The following MYO1D variants were observed in gnomAD, a reference collection of about 807,000 sequenced individuals.
The protein encoded by MYO1D is unconventional myosin-Id.
A neutral mutation model predicts 122.0 loss-of-function variants in MYO1D; 83 were observed. That is an observed-to-expected ratio of 0.68 (90% CI 0.57 to 0.82). The LOEUF (loss-of-function observed/expected upper bound fraction) is 0.82. Ranked by LOEUF, MYO1D falls within the 40% of genes least tolerant of loss-of-function variation. The pLI, the probability that MYO1D is intolerant of heterozygous loss-of-function variation, is 0.00. For synonymous variants in MYO1D, 464 were observed against 446.9 expected, an observed-to-expected ratio of 1.04 and a Z score of -0.48; for missense variants, 1,157 against 1,269.5, an observed-to-expected ratio of 0.91 and a Z score of 1.35.
At chr17:32,530,013 T>A (rs565050941) in intron 21 of MYO1D, 1 of 152,304 alleles carries the variant, frequency 6.6e-6, no homozygotes, top group Admixed American at 6.5e-5. Flanking sequence ...ATTCACAAGG[T>A]ATACAGCACT....
At chr17:32,635,006 A>T (rs917375100) in intron 20 of MYO1D, among the ~76,000 whole-genome samples, 4 of 152,238 alleles carry the variant, frequency 2.6e-5, no homozygotes, top group Admixed American at 1.3e-4. Context: ...CATACCAGAA[A>T]AAGTAAGGAA....
intron 21 of MYO1D, among the ~76,000 whole-genome samples, chr17:32,511,087 C>T (rs914643263): frequency 6.6e-6 from 1 of 152,136 alleles, no homozygotes; most frequent in Non-Finnish European, 1.5e-5. Context: ...AGCATCTGAC[C>T]CTCAAGAGGG....
intron 16 of MYO1D, among the ~76,000 whole-genome samples, chr17:32,702,338 G>A (rs1405155216): frequency 2.0e-5 from 3 of 151,740 alleles, no homozygotes; most frequent in Non-Finnish European, 4.4e-5. Flanking sequence ...GTTTGCTAGG[G>A]GAATGTCAAA....
intron 1 of MYO1D, among the ~76,000 whole-genome samples, chr17:32,830,753 C>T (rs1442758903): frequency 1.3e-5 from 2 of 152,086 alleles, no homozygotes; most frequent in Non-Finnish European, 2.9e-5. Flanking sequence ...GATTTTTCTA[C>T]ACAAAAAGCG....
chr17:32,822,838 C>T (rs1197958527), intron 1 of MYO1D, among the ~76,000 whole-genome samples: 1 of 151,430 alleles, frequency 6.6e-6, no homozygotes, highest in Admixed American at 6.6e-5. Context: ...CCGGCTGCCG[C>T]CCGCGGGCGT....
At chr17:32,843,093 T>C (rs1268450654) in intron 1 of MYO1D, among the ~76,000 whole-genome samples, 1 of 152,096 alleles carries the variant, frequency 6.6e-6, no homozygotes, top group African/African-American at 2.4e-5. Context: ...TTTCATCATA[T>C]TGGTCAGGCT....
intron 1 of MYO1D, among the ~76,000 whole-genome samples, chr17:32,793,323 T>TTTA (rs1555542846): frequency 6.6e-6 from 1 of 151,014 alleles, no homozygotes; most frequent in African/African-American, 2.4e-5. Flanking sequence ...TTTTTTTTTT[T>TTTA]AAACTTATTC....
intron 20 of MYO1D, among the ~76,000 whole-genome samples, chr17:32,611,290 T>C (rs185618757): frequency 1.3e-5 from 2 of 152,252 alleles, no homozygotes; most frequent in Admixed American, 1.3e-4. Context: ...AAGACAAATA[T>C]GATAAATTAC....
chr17:32,870,029 A>G (rs2091165310), intron 1 of MYO1D, among the ~76,000 whole-genome samples: 1 of 152,168 alleles, frequency 6.6e-6, no homozygotes, highest in East Asian at 1.9e-4. Flanking sequence ...ATCTGGCTCT[A>G]TTTGGGAACT....
chr17:32,867,534 C>T (rs1288832571), intron 1 of MYO1D, among the ~76,000 whole-genome samples: 2 of 151,940 alleles, frequency 1.3e-5, no homozygotes, highest in Admixed American at 1.3e-4. Context: ...CAGTGACCCA[C>T]GCCTGTAATC....
chr17:32,709,522 A>T (rs1174029117), intron 16 of MYO1D, among the ~76,000 whole-genome samples: 2 of 152,202 alleles, frequency 1.3e-5, no homozygotes, highest in Non-Finnish European at 2.9e-5. Context: ...GAGATCCAAC[A>T]GAAACATTTA....
At chr17:32,797,162 G>C (rs903812337) in intron 1 of MYO1D, among the ~76,000 whole-genome samples, 1 of 152,038 alleles carries the variant, frequency 6.6e-6, no homozygotes, top group Non-Finnish European at 1.5e-5. Context: ...GTAGAGATGG[G>C]GTTTCACCAT....
chr17:32,524,851 G>A (rs1250074327), intron 21 of MYO1D, among the ~76,000 whole-genome samples: 1 of 152,084 alleles, frequency 6.6e-6, no homozygotes, highest in Non-Finnish European at 1.5e-5. Context: ...GTGAGCCACT[G>A]CGCCTGGCCT....
At position 32,551,679 on chromosome 17, in the gene MYO1D, G is replaced by C. The variant is rs537835606; in HGVS notation, c.2864+53408C>G. 5.3e-5 allele frequency among the ~76,000 whole-genome samples: 8 copies of C among 151,780 alleles called. No individual in the cohort carries two copies. The East Asian group carries it at 1.2e-3, about 22-fold the overall frequency. On this transcript the variant is annotated intron_variant, in intron 21 of 21. Coordinates refer to ENST00000318217, the MANE Select transcript of MYO1D (RefSeq NM_015194.3). ...ACCTGGACTAACATTAAAACATTTT[G>C]CTCTTCCCGAGAACACACCAATCAG...
At chr17:32,674,223 G>C (rs2088770691) in intron 16 of MYO1D, among the ~76,000 whole-genome samples, 1 of 152,152 alleles carries the variant, frequency 6.6e-6, no homozygotes, top group African/African-American at 2.4e-5. Flanking sequence ...CCAAGTACTG[G>C]GAAATCAGGC....
At chr17:32,523,388 A>C (rs1036366663) in intron 21 of MYO1D, 1 of 152,186 alleles carries the variant, frequency 6.6e-6, no homozygotes, top group Non-Finnish European at 1.5e-5. Context: ...GTGGAAGTGA[A>C]ACTCTCACCT....
At chr17:32,676,003 A>T (rs2088803720) in intron 16 of MYO1D, among the ~76,000 whole-genome samples, 1 of 152,214 alleles carries the variant, frequency 6.6e-6, no homozygotes, top group Non-Finnish European at 1.5e-5. Context: ...GTACTCAAAT[A>T]TGAAATTCAG....
At chr17:32,551,169 G>A (rs1381801364) in intron 21 of MYO1D, among the ~76,000 whole-genome samples, 1 of 152,054 alleles carries the variant, frequency 6.6e-6, no homozygotes, top group Non-Finnish European at 1.5e-5. Context: ...TTCTAGGGGT[G>A]GGGAGCCTGT....
chr17:32,581,741 T>TTGTGTGTGTG (rs35563167), intron 21 of MYO1D, among the ~76,000 whole-genome samples: 9 of 148,394 alleles, frequency 6.1e-5, no homozygotes, highest in African/African-American at 1.7e-4. Flanking sequence ...CCTGGCTAAT[T>TTGTGTGTGTG]TGTGTGTGTG....
Sources: gnomAD v4.1 joint callset for allele counts (sites outside exome capture counted in the v4.1 genomes callset) on GRCh38, gnomAD v4.1.1 for gene constraint, MANE v1.5 for transcripts, NCBI Gene and HGNC (gene_info 2026-07-23, HGNC 2026-07-21) for gene names.